The following FAM222B variants were observed in gnomAD, a reference collection of about 807,000 sequenced individuals.
FAM222B encodes the protein protein FAM222B.
FAM222B carries 12 observed loss-of-function variants against 38.0 expected under a neutral mutation model. The observed-to-expected ratio is 0.32, with a 90% CI of 0.20 to 0.51. The LOEUF (loss-of-function observed/expected upper bound fraction) is 0.51, where lower values mean the gene tolerates loss of function less well. Among genes scored for constraint, FAM222B ranks in the 20% least tolerant of loss-of-function variants. The pLI is 0.97. For synonymous variants in FAM222B, 329 were observed against 317.2 expected, an observed-to-expected ratio of 1.04 and a Z score of -0.40; for missense variants, 716 against 754.2, an observed-to-expected ratio of 0.95 and a Z score of 0.59.
At chr17:28,809,265 T>C (rs964387730) in intron 1 of FAM222B, among the ~76,000 whole-genome samples, 16 of 151,234 alleles carry the variant, frequency 1.1e-4, no homozygotes, top group African/African-American at 3.6e-4. Flanking sequence ...GCAGGAGAAC[T>C]GCTTGAACCT....
At chr17:28,840,788 A>C in intron 1 of FAM222B, among the ~76,000 whole-genome samples, 1 of 151,480 alleles carries the variant, frequency 6.6e-6, no homozygotes, top group African/African-American at 2.4e-5. Flanking sequence ...AGAAACCCCG[A>C]GTGTACTAAA....
chr17:28,791,600 G>A lies in FAM222B; in HGVS notation c.-40-24893C>T, dbSNP rs959727691. On this transcript the variant is annotated intron_variant, in intron 1 of 2. Transcript: ENST00000581407. Reference sequence around the variant, plus strand: ...AAAAACAAAAAAACACCTACCCTAAGCCAGGTGCAGTGGCTCATGACTGCA... The same window carrying A: ...AAAAACAAAAAAACACCTACCCTAAACCAGGTGCAGTGGCTCATGACTGCA... Among the ~76,000 whole-genome samples the A allele has an allele frequency of 6.0e-5, 9 of 150,590 alleles. No individual in the cohort carries two copies. In the Middle Eastern group the frequency reaches 0.01, roughly 176 times the overall value.
At chr17:28,847,346 G>A (rs1689581996), upstream of FAM222B, among the ~76,000 whole-genome samples, 1 of 151,994 alleles carries the variant, frequency 6.6e-6, no homozygotes, top group South Asian at 2.1e-4. Flanking sequence ...TATAGTCCCA[G>A]CACTTTGGGA....
At chr17:28,842,507 TGCGGCCGGC>T (rs1445873257) in intron 1 of FAM222B, among the ~76,000 whole-genome samples, 166 bp downstream of exon 1, 2 of 152,136 alleles carry the variant, frequency 1.3e-5, no homozygotes. Flanking sequence ...TGTCCAGCTC[TGCGGCCGGC>T]GACCGGGCCA....
intron 1 of FAM222B, among the ~76,000 whole-genome samples, chr17:28,810,447 T>C (rs113782596): frequency 8.6e-5 from 2 of 23,320 alleles, no homozygotes; most frequent in East Asian, 1.9e-3. Flanking sequence ...CTCTGTTTTA[T>C]ATACTAGCTA....
At chr17:28,850,025 A>C (rs1264128332) in intron 1 of FAM222B, among the ~76,000 whole-genome samples, 1 of 152,090 alleles carries the variant, frequency 6.6e-6, no homozygotes, top group Non-Finnish European at 1.5e-5. Context: ...CAGAGGTTGC[A>C]GTGAGCCGAG....
At chr17:28,771,026 T>G (rs920740295) in intron 1 of FAM222B, among the ~76,000 whole-genome samples, 5 of 148,850 alleles carry the variant, frequency 3.4e-5, no homozygotes, top group Admixed American at 6.8e-5. Context: ...TTTTTTTTTT[T>G]AAAGGAGAGG....
At chr17:28,806,991 CA>C (rs1164681033) in intron 1 of FAM222B, among the ~76,000 whole-genome samples, 3 of 151,818 alleles carry the variant, frequency 2.0e-5, no homozygotes, top group African/African-American at 7.3e-5. Context: ...AAAAACTATC[CA>C]AAAGTAAGAC....
rs1242531423 is a variant in FAM222B, at chr17:28,783,514, A to C, written c.-40-16807T>G. On this transcript the variant is annotated intron_variant, in intron 1 of 2. Transcript: ENST00000581407. ...ATAAAATGTACCCTACCTTCATGAGATTTTTTTTTTTTTTTTTAAACAAAG... is the reference window on the plus strand; with the variant it reads ...ATAAAATGTACCCTACCTTCATGAGCTTTTTTTTTTTTTTTTTAAACAAAG... Among the ~76,000 whole-genome samples the C allele has an allele frequency of 3.1e-5, 3 of 97,192 alleles. No individual in the cohort carries two copies. The Admixed American group carries it at 3.3e-4, about 11-fold the overall frequency. The allele number at this position is 97,192 out of a possible 152,430, so 63.8% of individuals were successfully genotyped here. A position where few individuals can be genotyped will look rare whatever the true frequency, so the allele number is the denominator to read the frequency against.
rs1385266256 is a variant in FAM222B, at chr17:28,758,649, C to T, written c.1310G>A (p.Gly437Asp). ...EKPTPSPPVN[G>D]MAAPLAYPNG... ...GGGGTAGGCCAATGGGGCTGCCATG[C>T]CGTTGACTGGTGGGGATGGGGTCGG... Residue 437 changes from glycine to aspartate, a missense_variant, in exon 3 of 3, where the codon GGC becomes GAC. Physicochemically the swap from Gly to Asp is moderately conservative, Grantham distance 94 (BLOSUM62 -1). Coordinates refer to ENST00000581407, the MANE Select transcript of FAM222B (RefSeq NM_001077498.3). 2.5e-6 allele frequency: 4 copies of T among 1,610,316 alleles called. No homozygotes were observed. In the African/African-American group the frequency reaches 4.0e-5, roughly 16 times the overall value.
At chr17:28,785,210 T>C (rs2036350615) in intron 1 of FAM222B, among the ~76,000 whole-genome samples, 1 of 152,202 alleles carries the variant, frequency 6.6e-6, no homozygotes, top group Admixed American at 6.5e-5. Flanking sequence ...TCTTAGTTCC[T>C]AGACATGTGA....
chr17:28,839,066 G>C (rs1262978721), intron 1 of FAM222B, among the ~76,000 whole-genome samples: 1 of 151,970 alleles, frequency 6.6e-6, no homozygotes, highest in Non-Finnish European at 1.5e-5. Context: ...AATTAGCCAG[G>C]CATGGTGGCG....
intron 1 of FAM222B, among the ~76,000 whole-genome samples, chr17:28,774,476 C>A (rs2035790666): frequency 6.6e-6 from 1 of 152,180 alleles, no homozygotes; most frequent in South Asian, 2.1e-4. Context: ...ACAGTGACCA[C>A]AGAACTAAGC....
At chr17:28,810,539 C>G (rs951293958) in intron 1 of FAM222B, among the ~76,000 whole-genome samples, 2 of 150,362 alleles carry the variant, frequency 1.3e-5, no homozygotes, top group Admixed American at 6.7e-5. Context: ...GTTTTATATA[C>G]TAGCTAACTG....
intron 1 of FAM222B, among the ~76,000 whole-genome samples, chr17:28,790,981 C>T (rs1412709773): frequency 2.1e-5 from 3 of 139,908 alleles, no homozygotes. Context: ...TCACTGCAAG[C>T]TCCGCCTCCC....
intron 1 of FAM222B, among the ~76,000 whole-genome samples, chr17:28,841,462 C>T (rs1296674379): frequency 6.6e-6 from 1 of 152,144 alleles, no homozygotes; most frequent in African/African-American, 2.4e-5. Flanking sequence ...GCAACCTCTG[C>T]CTCCCGGGTT....
chr17:28,792,048 A>C lies in FAM222B; in HGVS notation c.-40-25341T>G, dbSNP rs545377564. ...AGGTGTAGGCCAGGCGCAGTGGCTC[A>C]CGCCTGTAATCCCAGCACTTTGGGA... is the stretch of plus-strand genomic sequence containing the variant. On this transcript the variant is annotated intron_variant, in intron 1 of 2. Transcript: ENST00000581407. 2.2e-4 allele frequency among the ~76,000 whole-genome samples: 33 copies of C among 150,876 alleles called. No homozygotes were observed. The South Asian group carries it at 6.6e-3, about 30-fold the overall frequency.
intron 1 of FAM222B, among the ~76,000 whole-genome samples, chr17:28,772,955 A>G (rs2035709627): frequency 6.6e-6 from 1 of 152,178 alleles, no homozygotes; most frequent in Admixed American, 6.6e-5. Flanking sequence ...GAATTTATTG[A>G]TAGCAAACAA....
At chr17:28,762,715 G>A (rs527798159) in intron 2 of FAM222B, among the ~76,000 whole-genome samples, 21 of 150,434 alleles carry the variant, frequency 1.4e-4, no homozygotes, top group Middle Eastern at 7.1e-3. Context: ...GAGGTGGGTG[G>A]ATCACGAGGT....
Sources: allele counts gnomAD v4.1 joint callset (sites outside exome capture counted in the v4.1 genomes callset), GRCh38; gene constraint gnomAD v4.1.1; transcripts MANE v1.5; gene names NCBI Gene and HGNC (gene_info 2026-07-23, HGNC 2026-07-21).